Variants in GSE1 observed in about 807,000 individuals in gnomAD.
GSE1 encodes genetic suppressor element 1.
Under a neutral mutation model 112.6 loss-of-function variants are expected in GSE1, and 32 were observed. The ratio of observed to expected loss-of-function variants is 0.28; its 90% CI spans 0.21 to 0.38. The LOEUF is 0.38. GSE1 is among the 10% of genes least tolerant of loss of function. The pLI is 1.00. For missense variants in GSE1, 2,348 were observed against 1,699.2 expected, an observed-to-expected ratio of 1.38 and a Z score of -6.71; for synonymous variants, 1,115 against 735.6, an observed-to-expected ratio of 1.52 and a Z score of -8.35.
At chr16:85,431,612 T>G (rs2049123196) in intron 2 of GSE1, among the ~76,000 whole-genome samples, 1 of 152,140 alleles carries the variant, frequency 6.6e-6, no homozygotes, top group Admixed American at 6.5e-5. Flanking sequence ...TTTCTGCCCG[T>G]GCTCCCCGAG....
At chr16:85,384,065 G>T (rs2047629205) in intron 2 of GSE1, among the ~76,000 whole-genome samples, 1 of 152,102 alleles carries the variant, frequency 6.6e-6, no homozygotes, top group African/African-American at 2.4e-5. Flanking sequence ...CCTTTTTCCA[G>T]GCTGCTCCAG....
At chr16:85,469,099 A>G (rs1402259094) in intron 2 of GSE1, among the ~76,000 whole-genome samples, 1 of 152,132 alleles carries the variant, frequency 6.6e-6, no homozygotes, top group Non-Finnish European at 1.5e-5. Flanking sequence ...TACTAAAAAT[A>G]CAAAAAGTTA....
At chr16:85,580,117 G>A (rs1032734446) in intron 1 of GSE1, 10 of 152,392 alleles carry the variant, frequency 6.6e-5, no homozygotes, top group African/African-American at 1.9e-4. Context: ...CTCTCTTTCT[G>A]GGGGAAGGGC....
intron 1 of GSE1, among the ~76,000 whole-genome samples, chr16:85,258,153 C>T (rs1178794231): frequency 1.3e-5 from 2 of 152,214 alleles, no homozygotes; most frequent in Non-Finnish European, 2.9e-5. Flanking sequence ...GGCCAGCAGG[C>T]AGCAGGGGCC....
At chr16:85,528,794 T>G (rs2151176893) in intron 2 of GSE1, among the ~76,000 whole-genome samples, 1 of 152,288 alleles carries the variant, frequency 6.6e-6, no homozygotes, top group South Asian at 2.1e-4. Flanking sequence ...ATGCCTCTTG[T>G]TCCAACATGA....
intron 2 of GSE1, among the ~76,000 whole-genome samples, chr16:85,532,481 C>A (rs2044168846): frequency 1.3e-5 from 2 of 152,328 alleles, no homozygotes; most frequent in African/African-American, 4.8e-5. Context: ...AGGCTGGCCT[C>A]AAACTCATGG....
intron 1 of GSE1, among the ~76,000 whole-genome samples, chr16:85,323,679 G>A (rs941414757): frequency 7.9e-5 from 12 of 152,334 alleles, no homozygotes; most frequent in African/African-American, 2.9e-4. Flanking sequence ...AGGCTGAGCA[G>A]TGGGGGGAGG....
At chr16:85,258,473 A>G (rs116608463) in intron 1 of GSE1, among the ~76,000 whole-genome samples, 2,131 of 152,270 alleles carry the variant, frequency 0.014, 58 homozygotes, top group African/African-American at 0.049. Flanking sequence ...AAACAGCAGC[A>G]GGCAAACCCA....
intron 1 of GSE1, among the ~76,000 whole-genome samples, chr16:85,290,822 C>T (rs2045188011): frequency 6.6e-6 from 1 of 152,202 alleles, no homozygotes; most frequent in African/African-American, 2.4e-5. Flanking sequence ...TGCATTCTCT[C>T]CTGCTCCTCA....
At chr16:85,413,620 C>A (rs1162350931) in intron 2 of GSE1, among the ~76,000 whole-genome samples, 1 of 152,172 alleles carries the variant, frequency 6.6e-6, no homozygotes, top group African/African-American at 2.4e-5. Flanking sequence ...CAATTACATA[C>A]ATGTACCACT....
intron 2 of GSE1, among the ~76,000 whole-genome samples, chr16:85,524,951 ATGAG>A (rs939281981): frequency 2.0e-5 from 3 of 152,148 alleles, no homozygotes; most frequent in Admixed American, 6.5e-5. Flanking sequence ...TTAAACATGA[ATGAG>A]TGAGTCCCCG....
chr16:85,642,394 A>C (rs948241507), intron 2 of GSE1, among the ~76,000 whole-genome samples: 2 of 152,232 alleles, frequency 1.3e-5, no homozygotes, highest in African/African-American at 4.8e-5. Flanking sequence ...CCAGGTTAGC[A>C]GACACACAGG....
intron 1 of GSE1, chr16:85,595,179 C>G (rs1274237893): frequency 6.6e-6 from 1 of 152,444 alleles, no homozygotes; most frequent in Non-Finnish European, 1.5e-5. Flanking sequence ...GAGTACAGAC[C>G]AGCACATGGT....
intron 1 of GSE1, among the ~76,000 whole-genome samples, chr16:85,604,677 C>T (rs536286046): frequency 8.9e-6 from 1 of 111,994 alleles, no homozygotes; most frequent in Non-Finnish European, 1.7e-5. Flanking sequence ...ACCAGGAGGT[C>T]GAGACTGCAG....
At chr16:85,556,573 G>A (rs2045225524) in intron 1 of GSE1, among the ~76,000 whole-genome samples, 1 of 151,424 alleles carries the variant, frequency 6.6e-6, no homozygotes, top group Admixed American at 6.6e-5. Flanking sequence ...CGCCCACCTG[G>A]CCCGCCGCCC....
In GSE1 at chr16:85,179,574, G is replaced by T. The variant is rs114306394; in HGVS notation, c.2283+7767G>T. Among the ~76,000 whole-genome samples, 1,282 of 152,244 alleles carry T rather than the reference G, an allele frequency of 8.4e-3. 18 individuals are homozygous for T. The highest frequency in any genetic ancestry group is 0.028 in the African/African-American group (1,178 of 41,538). On this transcript the variant is annotated intron_variant, in intron 1 of 2. Coordinates refer to the GSE1 transcript ENST00000637419. ...TTAACCCTCTGAGGACTGTTTTCCC[G>T]TTGGGGGTTTTCAGCAGGCAAATGA...
intron 2 of GSE1, among the ~76,000 whole-genome samples, chr16:85,638,959 C>T (rs1598499676): frequency 6.6e-6 from 1 of 152,130 alleles, no homozygotes; most frequent in South Asian, 2.1e-4. Flanking sequence ...GCCTGTTGGT[C>T]TTGACTTTCT....
chr16:85,626,913 G>A (rs2049117619), intron 1 of GSE1, among the ~76,000 whole-genome samples: 2 of 151,974 alleles, frequency 1.3e-5, no homozygotes, highest in African/African-American at 4.8e-5. Flanking sequence ...TGGAGCGTTT[G>A]GACAGCAGGC....
At chr16:85,264,497 G>A (rs948329227) in intron 1 of GSE1, among the ~76,000 whole-genome samples, 12 of 152,028 alleles carry the variant, frequency 7.9e-5, no homozygotes, top group African/African-American at 4.8e-5. Context: ...CTCCCTCCTC[G>A]GCCGACTCTC....
Sources: gnomAD v4.1 joint callset for allele counts (sites outside exome capture counted in the v4.1 genomes callset) on GRCh38, gnomAD v4.1.1 for gene constraint, MANE v1.5 for transcripts, NCBI Gene and HGNC (gene_info 2026-07-23, HGNC 2026-07-21) for gene names.